Variants in BAZ1B observed in about 807,000 individuals in gnomAD.
BAZ1B encodes the protein bromodomain adjacent to zinc finger domain 1B.
Under a neutral mutation model 153.8 loss-of-function variants are expected in BAZ1B, and 22 were observed. That is an observed-to-expected ratio of 0.14 (90% confidence interval 0.10 to 0.20). The LOEUF is 0.20. BAZ1B is among the 10% of genes least tolerant of loss of function. The pLI is 1.00. For synonymous variants in BAZ1B, 676 were observed against 633.4 expected (o/e 1.07, Z -1.01); for missense variants, 1,325 against 1,799.3 (o/e 0.74, Z 4.77).
intron 4 of BAZ1B, among the ~76,000 whole-genome samples, chr7:73,498,241 T>C (rs1789993967): frequency 6.6e-6 from 1 of 152,194 alleles, no homozygotes; most frequent in African/African-American, 2.4e-5. Flanking sequence ...ATTACAGGCA[T>C]GAGCCACGGC....
chr7:73,463,652 ACAT>A (rs1788471945), intron 11 of BAZ1B, among the ~76,000 whole-genome samples: 1 of 152,062 alleles, frequency 6.6e-6, no homozygotes, highest in South Asian at 2.1e-4. Flanking sequence ...AAGAGAAGGA[ACAT>A]CATAGAACTA....
chr7:73,459,497 C>T (rs1348537411), intron 13 of BAZ1B, 39 bp downstream of exon 13: 1 of 1,592,450 alleles, frequency 6.3e-7, no homozygotes, highest in East Asian at 2.2e-5. Flanking sequence ...ATCAACTCAT[C>T]TACGGAATCA....
At chr7:73,521,280 C>T (rs1386433835) in intron 1 of BAZ1B, among the ~76,000 whole-genome samples, 1 of 152,130 alleles carries the variant, frequency 6.6e-6, no homozygotes, top group Non-Finnish European at 1.5e-5. Flanking sequence ...GTCAGTTCAT[C>T]CCCGGCCTAA....
At chr7:73,498,416 C>T (rs1002211606) in intron 4 of BAZ1B, 81 bp downstream of exon 4, 18 of 1,335,370 alleles carry the variant, frequency 1.3e-5, no homozygotes, top group Non-Finnish European at 1.7e-5. Context: ...CATTTAGTTG[C>T]TAGAGAACCC....
intron 6 of BAZ1B, among the ~76,000 whole-genome samples, chr7:73,484,340 TATAG>T (rs1244758290): frequency 1.3e-5 from 2 of 148,540 alleles, no homozygotes; most frequent in African/African-American, 2.5e-5. Context: ...GACAGACAGA[TATAG>T]ATAGATAGAT....
intron 1 of BAZ1B, among the ~76,000 whole-genome samples, chr7:73,516,625 A>T (rs1287664243): frequency 6.6e-6 from 1 of 151,644 alleles, no homozygotes; most frequent in Non-Finnish European, 1.5e-5. Context: ...AAATACAAAA[A>T]ATAGCCAGGC....
intron 13 of BAZ1B, among the ~76,000 whole-genome samples, chr7:73,454,879 C>T (rs976296229): frequency 3.3e-5 from 5 of 151,474 alleles, no homozygotes; most frequent in South Asian, 2.1e-4. Flanking sequence ...TTTTTTGAGA[C>T]GGAGTCTCGC....
chr7:73,484,246 C>A (rs959123974), intron 6 of BAZ1B, among the ~76,000 whole-genome samples: 3 of 151,058 alleles, frequency 2.0e-5, no homozygotes, highest in Admixed American at 1.3e-4. Context: ...AGCCTGGCGA[C>A]AGAGCGAGAC....
intron 7 of BAZ1B, among the ~76,000 whole-genome samples, chr7:73,472,717 C>T (rs1242970029): frequency 1.3e-5 from 2 of 151,290 alleles, no homozygotes; most frequent in Non-Finnish European, 2.9e-5. Flanking sequence ...GCTGGGATTA[C>T]AGGCGTGTGC....
chr7:73,442,155 C>G, intron 19 of BAZ1B, 26 bp downstream of exon 19: 4 of 451,978 alleles, frequency 8.8e-6, no homozygotes, highest in Non-Finnish European at 1.6e-5. Context: ...CCCTCCCTAG[C>G]TGTCCCCCCA....
intron 14 of BAZ1B, 112 bp from the exon 15 acceptor site, chr7:73,449,801 T>C (rs1213779008): frequency 1.4e-5 from 17 of 1,180,200 alleles, no homozygotes; most frequent in East Asian, 2.6e-5. Context: ...ACATGTTCCA[T>C]AGAATGCTAC....
intron 12 of BAZ1B, 60 bp downstream of exon 12, chr7:73,462,862 G>A (rs1788440925): frequency 6.4e-7 from 1 of 1,567,728 alleles, no homozygotes; most frequent in East Asian, 2.2e-5. Context: ...ACAGCACCAG[G>A]GAAGAACTTC....
At chr7:73,495,799 T>C (rs1387722462) in intron 4 of BAZ1B, among the ~76,000 whole-genome samples, 3 of 152,238 alleles carry the variant, frequency 2.0e-5, no homozygotes, top group African/African-American at 7.2e-5. Flanking sequence ...AAATACTGCA[T>C]GTTCTCACTT....
At chr7:73,510,042 A>G (rs149265076) in intron 2 of BAZ1B, among the ~76,000 whole-genome samples, 1,905 of 151,630 alleles carry the variant, frequency 0.013, 43 homozygotes, top group African/African-American at 0.044. Flanking sequence ...CACGAGAATC[A>G]CTTGAACCCA....
At chr7:73,446,240 A>C (rs148046141) in intron 16 of BAZ1B, among the ~76,000 whole-genome samples, 2 of 152,308 alleles carry the variant, frequency 1.3e-5, no homozygotes, top group African/African-American at 2.4e-5. Context: ...CCACTGCTTC[A>C]AAAGCTCATT....
intron 5 of BAZ1B, 46 bp from the exon 6 acceptor site, chr7:73,489,437 A>AT: frequency 3.8e-6 from 6 of 1,589,256 alleles, no homozygotes; most frequent in Non-Finnish European, 5.2e-6. Context: ...GTAAAAAGTA[A>AT]TTACCCAAAT....
In BAZ1B at chr7:73,450,911, A is replaced by G. The variant is rs201633373; in HGVS notation, c.3516T>C (p.Leu1172=). The change falls in exon 14 of 20, where the codon CTT becomes CTC. Residue 1172 remains leucine, a synonymous_variant. Coordinates refer to ENST00000339594, the MANE Select transcript of BAZ1B (RefSeq NM_032408.4). This position sits in a 1 kb window ranked among gnomAD's most constrained non-coding sequence, Gnocchi z 4.1. ...ACATATCCCACTTGATACAGGCATC[A>G]AGCATCCCAAGCAGCACGTGCATCC... ...FSRMHVLLGM[L]DACIKWDMSA... The G allele has an allele frequency of 4.5e-5, 72 of 1,614,158 alleles. No individual in the cohort carries two copies. The Admixed American group carries it at 7.5e-4, about 17-fold the overall frequency.
intron 4 of BAZ1B, among the ~76,000 whole-genome samples, chr7:73,494,880 T>C (rs781973307): frequency 6.6e-6 from 1 of 152,196 alleles, no homozygotes; most frequent in Non-Finnish European, 1.5e-5. Flanking sequence ...AGACACTAGG[T>C]GGATGGACGG....
intron 2 of BAZ1B, 102 bp from the exon 3 acceptor site, chr7:73,508,573 C>A (rs1482507689): frequency 7.5e-7 from 1 of 1,335,484 alleles, no homozygotes; most frequent in South Asian, 1.5e-5. Flanking sequence ...CCAAACATTT[C>A]AAACATTTAT....
Sources: allele counts gnomAD v4.1 joint callset (sites outside exome capture counted in the v4.1 genomes callset), GRCh38; gene constraint gnomAD v4.1.1; non-coding constraint Gnocchi (gnomAD v3.1); transcripts MANE v1.5; gene names NCBI Gene and HGNC (gene_info 2026-07-23, HGNC 2026-07-21).